The following CD6 variants were observed in gnomAD, a reference collection of about 807,000 sequenced individuals.
CD6 encodes T-cell differentiation antigen CD6.
CD6 carries 53 observed loss-of-function variants against 75.3 expected under a neutral mutation model. The observed-to-expected ratio is 0.70, with a 90% CI of 0.56 to 0.88. CD6 has a LOEUF of 0.88. CD6 is among the 40% of genes least tolerant of loss of function. The pLI is 0.00. For missense variants in CD6, 770 were observed against 897.1 expected (o/e 0.86, Z 1.81); for synonymous variants, 359 against 381.5 (o/e 0.94, Z 0.69).
Position 61,007,817 on chromosome 11 carries a change from GC to G in CD6, c.379del (p.Leu127SerfsTer102). 1 of 1,465,784 alleles carries G rather than the reference GC, an allele frequency of 6.8e-7. No homozygotes were observed. Among genetic ancestry groups the G allele is most frequent in the South Asian group, 1.3e-5 (1 of 76,046 alleles). 90.8% of individuals were successfully genotyped at this position (1,465,784 alleles called of 1,614,324 possible). ...AANATLAGAP[A>X]LLCSGAEWRL... is the part of the protein sequence containing the mutation. ...TAATGCCACTCTGGCCGGGGCGCCCGCCCTCCTGTGCAGCGGCGCCGAGTGG... is the reference window on the plus strand; with the variant it reads ...TAATGCCACTCTGGCCGGGGCGCCCGCCTCCTGTGCAGCGGCGCCGAGTGG... On this transcript the variant is annotated frameshift_variant, in exon 3 of 13. Coordinates refer to ENST00000313421, the MANE Select transcript of CD6 (RefSeq NM_006725.5). LOFTEE classifies it high-confidence loss of function. The surrounding 1 kb of genome is among the most constrained non-coding windows in gnomAD (Gnocchi z 4.2).
chr11:61,014,734 C>CAAA (rs553540779), intron 8 of CD6, among the ~76,000 whole-genome samples: 1 of 104,656 alleles, frequency 9.6e-6, no homozygotes, highest in Non-Finnish European at 2.1e-5. Flanking sequence ...GACTCTGTCT[C>CAAA]AAAAAAAAAA....
At chr11:60,992,929 G>A (rs539485415) in intron 1 of CD6, among the ~76,000 whole-genome samples, 5 of 152,234 alleles carry the variant, frequency 3.3e-5, no homozygotes, top group East Asian at 1.9e-4. Flanking sequence ...AAAGTCTGGC[G>A]GGGGATCAAG....
chr11:61,015,590 A>C, intron 8 of CD6, 123 bp from the exon 9 acceptor site: 1 of 1,134,766 alleles, frequency 8.8e-7, no homozygotes, highest in South Asian at 1.5e-5. Context: ...AGAAAAAAAA[A>C]GGGGGCTACT....
At position 61,006,671 on chromosome 11, in the gene CD6, T is replaced by A. The variant is rs770946545; in HGVS notation, c.118+29T>A. The A allele has an allele frequency of 8.9e-6, 14 of 1,572,432 alleles. No homozygotes were observed. The South Asian group carries it at 1.6e-4, about 18-fold the overall frequency. On this transcript the variant is annotated intron_variant, in intron 2 of 12. Coordinates refer to ENST00000313421, the MANE Select transcript of CD6 (RefSeq NM_006725.5). ...AGCAAACATTCCCTCTGGGGGTCCA[T>A]GATCAGCTTTCTGTAGGTGGTCCCC...
In CD6 at chr11:61,018,092, G is replaced by A. The variant is rs966467087; in HGVS notation, c.1837+79G>A. The A allele has an allele frequency of 2.8e-5, 43 of 1,545,552 alleles. 1 individual carries two copies. Among genetic ancestry groups the A allele is most frequent in the Non-Finnish European group, 3.5e-5 (40 of 1,139,322 alleles). On this transcript the variant is annotated intron_variant, in intron 11 of 12. Transcript: ENST00000313421. ...GCATAAAGCTGGGAGCCCTGAGTCA[G>A]GCTGAGGTCAGGATTCTACCCAGTT...
intron 1 of CD6, among the ~76,000 whole-genome samples, chr11:60,986,313 C>T (rs940939563): frequency 2.6e-5 from 4 of 152,190 alleles, no homozygotes; most frequent in Admixed American, 6.5e-5. Flanking sequence ...CCTTCAGTCT[C>T]ACCAGCAGGA....
intron 1 of CD6, among the ~76,000 whole-genome samples, chr11:60,972,224 C>G (rs1033509638): frequency 9.2e-5 from 14 of 152,194 alleles, no homozygotes; most frequent in African/African-American, 3.4e-4. Context: ...GGAACTCCCC[C>G]ATTTCCTATT....
intron 1 of CD6, among the ~76,000 whole-genome samples, chr11:60,974,500 C>A (rs1291046937): frequency 6.6e-6 from 1 of 152,220 alleles, no homozygotes; most frequent in East Asian, 1.9e-4. Context: ...CCACCTCAGC[C>A]TCCCAAAGTG....
intron 8 of CD6, 170 bp from the exon 9 acceptor site, chr11:61,015,543 C>A: frequency 1.3e-6 from 1 of 747,744 alleles, no homozygotes; most frequent in Non-Finnish European, 2.2e-6. Flanking sequence ...TGTACTCCAG[C>A]CTGGACAACA....
At chr11:60,980,658 G>C (rs1433723879) in intron 1 of CD6, among the ~76,000 whole-genome samples, 3 of 152,084 alleles carry the variant, frequency 2.0e-5, no homozygotes, top group Admixed American at 2.0e-4. Context: ...GCGAAACCCC[G>C]TCCCTAGTAA....
At chr11:61,018,480 C>CATGGGGAAAAGGAGAAAGG in intron 12 of CD6, 87 bp downstream of exon 12, 2 of 887,094 alleles carry the variant, frequency 2.3e-6, no homozygotes, top group Non-Finnish European at 3.5e-6. Context: ...TGCATTCGCT[C>CATGGGGAAAAGGAGAAAGG]AAGGGGAAAA....
intron 1 of CD6, among the ~76,000 whole-genome samples, chr11:60,990,810 A>C (rs1246585104): frequency 1.9e-5 from 1 of 51,668 alleles, no homozygotes; most frequent in African/African-American, 3.6e-5. Context: ...TACTGGACAT[A>C]TTGTTCTGAA....
chr11:61,014,065 G>A (rs1859290104), intron 8 of CD6, 51 bp downstream of exon 8: 1 of 1,410,166 alleles, frequency 7.1e-7, no homozygotes, highest in Non-Finnish European at 9.9e-7. Context: ...GACAAGAAGG[G>A]TGAGCTTTCT....
chr11:61,006,482 G>C, intron 1 of CD6, 92 bp from the exon 2 acceptor site: 1 of 1,041,752 alleles, frequency 9.6e-7, no homozygotes, highest in Non-Finnish European at 1.4e-6. Flanking sequence ...GCCACCACAG[G>C]CTCCAGGAAG....
chr11:60,991,742 T>C (rs922955748), intron 1 of CD6, among the ~76,000 whole-genome samples: 3 of 148,576 alleles, frequency 2.0e-5, no homozygotes, highest in African/African-American at 4.9e-5. Flanking sequence ...TGATCATAGC[T>C]TACTGCAACC....
At chr11:60,977,097 G>C (rs1380843725) in intron 1 of CD6, among the ~76,000 whole-genome samples, 1 of 152,130 alleles carries the variant, frequency 6.6e-6, no homozygotes, top group Non-Finnish European at 1.5e-5. Context: ...ACTTTACAGA[G>C]GGATCTAGAA....
chr11:61,001,256 A>G (rs181641849), intron 1 of CD6, among the ~76,000 whole-genome samples: 59 of 124,040 alleles, frequency 4.8e-4, no homozygotes, highest in African/African-American at 1.9e-3. Context: ...GCTAGAGCGT[A>G]GTAGTGGCGT....
chr11:61,016,916 G>C (rs541812389), intron 9 of CD6: 2 of 152,768 alleles, frequency 1.3e-5, no homozygotes, highest in East Asian at 1.9e-4. Flanking sequence ...CTGAGATTCC[G>C]AGCCCAGGCA....
chr11:61,014,099 C>G, intron 8 of CD6, 85 bp downstream of exon 8: 1 of 938,180 alleles, frequency 1.1e-6, no homozygotes, highest in Non-Finnish European at 1.6e-6. Flanking sequence ...CACTTAGGTC[C>G]AAGACGTACA....
Sources: allele counts gnomAD v4.1 joint callset (sites outside exome capture counted in the v4.1 genomes callset), GRCh38; gene constraint gnomAD v4.1.1; non-coding constraint Gnocchi (gnomAD v3.1); transcripts MANE v1.5; gene names NCBI Gene and HGNC (gene_info 2026-07-23, HGNC 2026-07-21).